GRB10: variants seen among roughly 807,000 people sequenced by gnomAD.
The protein encoded by GRB10 is growth factor receptor bound protein 10, also known as growth factor receptor-bound protein 10.
Under a neutral mutation model 80.9 loss-of-function variants are expected in GRB10, and 20 were observed. That is an observed-to-expected ratio of 0.25 (90% CI 0.17 to 0.36). The LOEUF is 0.36. Ranked by LOEUF, GRB10 falls within the 10% of genes least tolerant of loss-of-function variation. GRB10 has a pLI of 1.00. For missense variants in GRB10, 548 were observed against 747.7 expected, an observed-to-expected ratio of 0.73 and a Z score of 3.12; for synonymous variants, 291 against 291.5, an observed-to-expected ratio of 1.00 and a Z score of 0.02.
At chr7:50,689,688 T>A (rs1308957948) in intron 5 of GRB10, among the ~76,000 whole-genome samples, 1 of 152,084 alleles carries the variant, frequency 6.6e-6, no homozygotes, top group African/African-American at 2.4e-5. Context: ...TTTGAGGACC[T>A]CCTTAAAGAT....
At chr7:50,623,491 G>A (rs2052275654) in intron 8 of GRB10, among the ~76,000 whole-genome samples, 1 of 152,162 alleles carries the variant, frequency 6.6e-6, no homozygotes, top group African/African-American at 2.4e-5. Flanking sequence ...CACAGAGCGG[G>A]CAGGAAAAAC....
intron 3 of GRB10, among the ~76,000 whole-genome samples, chr7:50,739,737 T>G (rs1403064287): frequency 1.3e-5 from 2 of 152,214 alleles, no homozygotes; most frequent in African/African-American, 2.4e-5. Context: ...GGTCACCAAC[T>G]TCAGTTGGAG....
At chr7:50,668,458 G>A (rs965138434) in intron 7 of GRB10, among the ~76,000 whole-genome samples, 4 of 152,178 alleles carry the variant, frequency 2.6e-5, no homozygotes, top group African/African-American at 7.2e-5. Context: ...CCGATTCTGA[G>A]GCCGGGTCAC....
intron 7 of GRB10, among the ~76,000 whole-genome samples, chr7:50,657,967 G>C (rs942918978): frequency 6.6e-6 from 1 of 152,102 alleles, no homozygotes; most frequent in Non-Finnish European, 1.5e-5. Context: ...GAGAGCCTAA[G>C]GAAAGAAAAA....
At chr7:50,652,403 G>C (rs1213940689) in intron 7 of GRB10, among the ~76,000 whole-genome samples, 1 of 152,150 alleles carries the variant, frequency 6.6e-6, no homozygotes, top group East Asian at 1.9e-4. Context: ...AACAACTTCG[G>C]TTTCTATAGA....
chr7:50,679,365 G>A (rs764496647), intron 5 of GRB10, among the ~76,000 whole-genome samples: 2 of 152,182 alleles, frequency 1.3e-5, no homozygotes, highest in Admixed American at 1.3e-4. Flanking sequence ...AGGCAAAGAG[G>A]ACAGAGAAAC....
At chr7:50,622,368 T>C (rs1015924682) in intron 8 of GRB10, among the ~76,000 whole-genome samples, 4 of 152,160 alleles carry the variant, frequency 2.6e-5, no homozygotes, top group Non-Finnish European at 5.9e-5. Context: ...TGTCCAGCTG[T>C]CAGCATCCAA....
At chr7:50,624,951 C>G (rs1323067294) in intron 8 of GRB10, among the ~76,000 whole-genome samples, 1 of 151,384 alleles carries the variant, frequency 6.6e-6, no homozygotes, top group African/African-American at 2.4e-5. Flanking sequence ...GTGTCATCGC[C>G]CACTAGAATG....
At chr7:50,621,251 G>A (rs973772208) in intron 8 of GRB10, among the ~76,000 whole-genome samples, 1 of 152,256 alleles carries the variant, frequency 6.6e-6, no homozygotes, top group Non-Finnish European at 1.5e-5. Context: ...AGGGGGACGT[G>A]TCCCTGGTGG....
At chr7:50,721,699 C>G (rs957567407) in intron 4 of GRB10, among the ~76,000 whole-genome samples, 2 of 152,098 alleles carry the variant, frequency 1.3e-5, no homozygotes, top group African/African-American at 4.8e-5. Context: ...CCATTCCCCA[C>G]TGGGTAGGGG....
intron 10 of GRB10, 69 bp downstream of exon 10, chr7:50,618,002 G>T: frequency 8.1e-7 from 1 of 1,233,532 alleles, no homozygotes; most frequent in Non-Finnish European, 1.2e-6. Flanking sequence ...TTACAATGCT[G>T]CCATTCAGTT....
chr7:50,759,387 C>G (rs1249708794), intron 2 of GRB10, among the ~76,000 whole-genome samples: 1 of 152,070 alleles, frequency 6.6e-6, no homozygotes, highest in African/African-American at 2.4e-5. Flanking sequence ...TCACTGCCAA[C>G]ATCATCTCTC....
intron 4 of GRB10, among the ~76,000 whole-genome samples, chr7:50,718,930 C>A (rs73124705): frequency 1.3e-5 from 2 of 152,146 alleles, no homozygotes; most frequent in African/African-American, 4.8e-5. Flanking sequence ...CTTGGAGTAT[C>A]CAACCTCTTG....
chr7:50,768,766 T>A (rs1242521520), intron 2 of GRB10, among the ~76,000 whole-genome samples: 3 of 152,214 alleles, frequency 2.0e-5, no homozygotes, highest in Non-Finnish European at 4.4e-5. Context: ...CATGCAAGGA[T>A]TCTGGAGGAG....
chr7:50,657,805 A>G (rs2058798374), intron 7 of GRB10, among the ~76,000 whole-genome samples: 1 of 152,226 alleles, frequency 6.6e-6, no homozygotes, highest in East Asian at 1.9e-4. Flanking sequence ...TGGCACCAAC[A>G]GCAGAGGGAG....
chr7:50,728,276 T>G (rs1409861909), intron 4 of GRB10, among the ~76,000 whole-genome samples: 1 of 151,300 alleles, frequency 6.6e-6, no homozygotes, highest in Non-Finnish European at 1.5e-5. Flanking sequence ...CTAAAAATAA[T>G]AATAATAATA....
chr7:50,666,072 G>A (rs957044176), intron 7 of GRB10, among the ~76,000 whole-genome samples: 3 of 152,166 alleles, frequency 2.0e-5, no homozygotes, highest in Admixed American at 1.3e-4. Context: ...GCATGCTCTG[G>A]GATCCCCAGG....
chr7:50,774,619 TAA>T (rs2077383174), intron 2 of GRB10, among the ~76,000 whole-genome samples: 1 of 152,188 alleles, frequency 6.6e-6, no homozygotes, highest in Non-Finnish European at 1.5e-5. Flanking sequence ...CCATACCTCT[TAA>T]TAGAGTTGCG....
At chr7:50,599,428 G>A (rs1175641548) in intron 17 of GRB10, among the ~76,000 whole-genome samples, 3 of 152,176 alleles carry the variant, frequency 2.0e-5, no homozygotes, top group Non-Finnish European at 4.4e-5. Context: ...GATTAGAAAT[G>A]GATTATTTAC....
Sources: allele counts gnomAD v4.1 joint callset (sites outside exome capture counted in the v4.1 genomes callset), GRCh38; gene constraint gnomAD v4.1.1; transcripts MANE v1.5; gene names NCBI Gene and HGNC (gene_info 2026-07-23, HGNC 2026-07-21).